Variants in GALP observed in about 807,000 individuals in gnomAD.
GALP encodes the protein galanin-like peptide.
In GALP, 12 loss-of-function variants were observed where a neutral mutation model predicts 15.2. That is an observed-to-expected ratio of 0.79 (90% CI 0.51 to 1.28). The LOEUF (loss-of-function observed/expected upper bound fraction) is 1.28. GALP is among the 50% of genes most tolerant of loss of function. GALP has a pLI of 0.00. For missense variants in GALP, 161 were observed against 145.6 expected, an observed-to-expected ratio of 1.11 and a Z score of -0.55; for synonymous variants, 58 against 55.1, an observed-to-expected ratio of 1.05 and a Z score of -0.23.
chr19:56,182,287 GTCC>G, intron 4 of GALP, 35 bp downstream of exon 4: 3 of 1,502,876 alleles, frequency 2.0e-6, no homozygotes, highest in Non-Finnish European at 2.8e-6. Flanking sequence ...CTTCTCCTGC[GTCC>G]TCCCCTGCGG....
chr19:56,180,592 G>T lies in GALP; in HGVS notation c.94G>T (p.Gly32Ter). The T allele has an allele frequency of 6.2e-7, 1 of 1,613,912 alleles. No homozygotes were observed. The highest frequency in any genetic ancestry group is 8.5e-7 in the Non-Finnish European group (1 of 1,179,874). Residue 32 changes from glycine to a stop codon, truncating the protein, a stop_gained, in exon 3 of 6, where the codon GGA (glycine) becomes TGA (stop). Coordinates refer to ENST00000357330, the MANE Select transcript of GALP (RefSeq NM_033106.4). LOFTEE classifies it high-confidence loss of function. The stretch of plus-strand genomic sequence containing the variant: ...TTTCTGCATCTCTATCCAGGGACGA[G>T]GAGGCTGGACCCTCAATAGTGCTGG... ...PASAPAHRGR[G>*]GWTLNSAGYL...
In GALP at chr19:56,182,702, G is replaced by A. The variant is rs180740441; in HGVS notation, c.218-433G>A. Among the ~76,000 whole-genome samples, 78 of 152,202 alleles carry A rather than the reference G, an allele frequency of 5.1e-4. 1 individual carries two copies. The highest frequency in any genetic ancestry group is 1.8e-3 in the African/African-American group (76 of 41,538). ...AGCCTCCGAGTAGCTGGGATTACAG[G>A]CACCTGACACCACACCCAGCAAATT... On this transcript the variant is annotated intron_variant, in intron 4 of 5. Transcript: ENST00000357330.
intron 5 of GALP, among the ~76,000 whole-genome samples, chr19:56,183,743 ACG>A (rs1555786427): frequency 9.3e-5 from 14 of 150,762 alleles, no homozygotes; most frequent in South Asian, 2.1e-4. Flanking sequence ...GATTACAGGC[ACG>A]CGCCACCATG....
intron 1 of GALP, 136 bp from the exon 2 acceptor site, chr19:56,176,934 G>T (rs2032473353): frequency 1.6e-5 from 9 of 569,028 alleles, no homozygotes; most frequent in South Asian, 4.1e-5. Context: ...AACTCCTCAA[G>T]ATGTGTACAT....
Position 56,177,082 on chromosome 19 carries a change from C to T in GALP, c.-27C>T, listed in dbSNP as rs765783455. ...TCTCTCCTTGCAGCGTGTTCCGCAG[C>T]TGTAGGCACCTGTCGTCCTGCCTTC... On this transcript the variant is annotated 5_prime_UTR_variant, in exon 2 of 6. Coordinates refer to ENST00000357330, the MANE Select transcript of GALP (RefSeq NM_033106.4). 25 of 1,578,828 alleles carry T rather than the reference C, an allele frequency of 1.6e-5. No homozygotes were observed. The highest frequency in any genetic ancestry group is 9.0e-5 in the East Asian group (4 of 44,276).
At chr19:56,177,779 C>T (rs1161253659) in intron 2 of GALP, among the ~76,000 whole-genome samples, 1 of 152,278 alleles carries the variant, frequency 6.6e-6, no homozygotes, top group Non-Finnish European at 1.5e-5. Flanking sequence ...CATTGCCTAA[C>T]CTCTCTGGTC....
At chr19:56,177,620 T>A (rs918690180) in intron 2 of GALP, among the ~76,000 whole-genome samples, 5 of 152,002 alleles carry the variant, frequency 3.3e-5, no homozygotes, top group African/African-American at 1.2e-4. Context: ...CCTCCCAAAG[T>A]ACTGGGATCA....
At chr19:56,180,903 CTTTCTTTCTTTCTTTT>C (rs1366990323) in intron 3 of GALP, among the ~76,000 whole-genome samples, 2 of 83,176 alleles carry the variant, frequency 2.4e-5, no homozygotes, top group African/African-American at 1.1e-4. Context: ...TTCTTTCTTT[CTTTCTTTCTTTCTTTT>C]TTTTTTTTTT....
At chr19:56,177,235 C>T in intron 2 of GALP, 40 bp downstream of exon 2, 1 of 1,508,462 alleles carries the variant, frequency 6.6e-7, no homozygotes, top group Non-Finnish European at 9.2e-7. Context: ...ACAGTGTCCC[C>T]AAATCCCTGC....
chr19:56,176,430 G>C (rs1443876459), intron 1 of GALP, among the ~76,000 whole-genome samples: 363 of 87,332 alleles, frequency 4.2e-3, no homozygotes, highest in African/African-American at 0.023. Flanking sequence ...CCTAGGCCAG[G>C]AGGGCAGAGG....
chr19:56,181,450 C>T (rs1038020554), intron 3 of GALP, among the ~76,000 whole-genome samples: 1 of 115,452 alleles, frequency 8.7e-6, no homozygotes, highest in Non-Finnish European at 1.6e-5. Context: ...GTTATCTAGG[C>T]TGGAGTGCAG....
At chr19:56,176,084 G>A (rs1007936680) in intron 1 of GALP, 22 bp downstream of exon 1, 14 of 167,480 alleles carry the variant, frequency 8.4e-5, no homozygotes, top group Non-Finnish European at 1.4e-4. Flanking sequence ...GGCCAGGAGG[G>A]CAGAGGGGCG....
At chr19:56,185,025 G>A (rs976570585) in intron 5 of GALP, among the ~76,000 whole-genome samples, 190 bp from the exon 6 acceptor site, 3 of 152,122 alleles carry the variant, frequency 2.0e-5, no homozygotes, top group African/African-American at 7.2e-5. Flanking sequence ...AAGGGGCCAG[G>A]CACGGTGGCT....
At chr19:56,177,726 G>C (rs2032490418) in intron 2 of GALP, among the ~76,000 whole-genome samples, 1 of 152,114 alleles carries the variant, frequency 6.6e-6, no homozygotes, top group African/African-American at 2.4e-5. Context: ...GGTTGAGTTT[G>C]AAATCCGGGA....
rs753053261 is a variant in GALP, at chr19:56,177,097, G to A, written c.-12G>A. 6.6e-5 allele frequency: 107 copies of A among 1,609,190 alleles called. No homozygotes were observed. The highest frequency in any genetic ancestry group is 8.3e-5 in the Non-Finnish European group (98 of 1,177,368). On this transcript the variant is annotated 5_prime_UTR_variant, in exon 2 of 6. Coordinates refer to ENST00000357330, the MANE Select transcript of GALP (RefSeq NM_033106.4). The stretch of plus-strand genomic sequence containing the variant: ...TGTTCCGCAGCTGTAGGCACCTGTC[G>A]TCCTGCCTTCGATGGCTCCTCCCTC...
intron 5 of GALP, among the ~76,000 whole-genome samples, chr19:56,183,498 ACCCAACCTTGATCTCC>A (rs2032601529): frequency 6.6e-6 from 1 of 151,890 alleles, no homozygotes; most frequent in African/African-American, 2.4e-5. Flanking sequence ...AGGACCCCAC[ACCCAACCTTGATCTCC>A]CCCAGTATCA....
intron 3 of GALP, 106 bp from the exon 4 acceptor site, chr19:56,182,066 T>G: frequency 1.3e-6 from 1 of 798,670 alleles, no homozygotes; most frequent in Non-Finnish European, 2.2e-6. Context: ...ACAGACTTGG[T>G]GGAGGCGCTG....
intron 2 of GALP, among the ~76,000 whole-genome samples, chr19:56,179,629 G>A (rs894957946): frequency 6.7e-5 from 10 of 148,712 alleles, no homozygotes; most frequent in Admixed American, 4.7e-4. Flanking sequence ...GTTGTTGGAG[G>A]AAGAGCCTCT....
In GALP at chr19:56,180,565, G is replaced by C. The variant is rs2122165099; in HGVS notation, c.88-21G>C. 1.9e-6 allele frequency: 3 copies of C among 1,612,248 alleles called. No homozygotes were observed. The East Asian group carries it at 6.7e-5, about 36-fold the overall frequency. On this transcript the variant is annotated intron_variant, in intron 2 of 5. Transcript: ENST00000357330. ...CCCGCTTTCTGTCTGCTTGAGTCTT[G>C]ATTTCTGCATCTCTATCCAGGGACG...
Sources: allele counts gnomAD v4.1 joint callset (sites outside exome capture counted in the v4.1 genomes callset), GRCh38; gene constraint gnomAD v4.1.1; transcripts MANE v1.5; gene names NCBI Gene and HGNC (gene_info 2026-07-23, HGNC 2026-07-21).